Variants in CLIC5 observed in about 807,000 individuals in gnomAD.
The protein encoded by CLIC5 is chloride intracellular channel protein 5.
In CLIC5, 20 loss-of-function variants were observed where a neutral mutation model predicts 24.7. The ratio of observed to expected loss-of-function variants is 0.81; its 90% CI spans 0.57 to 1.18. The LOEUF is 1.18. CLIC5 is among the 50% of genes most tolerant of loss of function. The pLI is 0.00. For missense variants in CLIC5, 341 were observed against 326.1 expected, an observed-to-expected ratio of 1.05 and a Z score of -0.35; for synonymous variants, 159 against 135.6, an observed-to-expected ratio of 1.17 and a Z score of -1.20.
At chr6:46,120,829 T>A in the CLIC5 span, among the ~76,000 whole-genome samples, 2 of 152,024 alleles carry the variant, frequency 1.3e-5, no homozygotes, top group African/African-American at 4.8e-5. Flanking sequence ...AGAAAGGATA[T>A]CAGTGATTGA....
intron 2 of CLIC5, among the ~76,000 whole-genome samples, chr6:45,949,802 C>G (rs1764409593): frequency 6.6e-6 from 1 of 152,148 alleles, no homozygotes; most frequent in South Asian, 2.1e-4. Flanking sequence ...TTAGATCATA[C>G]TTTTCTCCTA....
At chr6:46,083,727 G>C (rs545333089), upstream of CLIC5, among the ~76,000 whole-genome samples, 1 of 152,162 alleles carries the variant, frequency 6.6e-6, no homozygotes, top group Non-Finnish European at 1.5e-5. Context: ...GGTGTGGTGT[G>C]GTGCTGAAAA....
intron 1 of CLIC5, among the ~76,000 whole-genome samples, chr6:46,075,589 CA>C (rs1241865472): frequency 6.6e-6 from 1 of 151,994 alleles, no homozygotes; most frequent in Non-Finnish European, 1.5e-5. Context: ...TGTCTCAAGA[CA>C]AAAACGAAAA....
chr6:46,012,970 CT>C (rs1240373614), intron 1 of CLIC5, among the ~76,000 whole-genome samples: 4 of 152,250 alleles, frequency 2.6e-5, no homozygotes, highest in African/African-American at 9.6e-5. Context: ...GCAATCTTTC[CT>C]TCTTCTTATC....
At chr6:46,000,496 A>T (rs1363472545) in intron 1 of CLIC5, among the ~76,000 whole-genome samples, 1 of 152,134 alleles carries the variant, frequency 6.6e-6, no homozygotes, top group Admixed American at 6.5e-5. Flanking sequence ...CCATGCATGG[A>T]TGGTCTTTGT....
the CLIC5 span, among the ~76,000 whole-genome samples, chr6:46,101,059 A>T: frequency 6.6e-6 from 1 of 152,218 alleles, no homozygotes; most frequent in South Asian, 2.1e-4. Flanking sequence ...AATACATCTC[A>T]TAGAAGAGAA....
chr6:46,031,300 C>A (rs76673643), intron 1 of CLIC5, among the ~76,000 whole-genome samples: 14 of 152,136 alleles, frequency 9.2e-5, no homozygotes, highest in Non-Finnish European at 5.9e-5. Context: ...TGTGTGCCAA[C>A]GGGTGCCATA....
chr6:45,947,142 C>T (rs1236836109), intron 3 of CLIC5, among the ~76,000 whole-genome samples: 1 of 152,186 alleles, frequency 6.6e-6, no homozygotes, highest in African/African-American at 2.4e-5. Flanking sequence ...GATGACTCGC[C>T]TCTGGAAGAA....
intron 1 of CLIC5, among the ~76,000 whole-genome samples, chr6:46,057,187 C>A (rs769331574): frequency 6.6e-6 from 1 of 152,226 alleles, no homozygotes; most frequent in African/African-American, 2.4e-5. Flanking sequence ...CAAATCTCAA[C>A]TTTAATTGTA....
At chr6:46,108,807 T>C in the CLIC5 span, among the ~76,000 whole-genome samples, 1 of 152,216 alleles carries the variant, frequency 6.6e-6, no homozygotes, top group Non-Finnish European at 1.5e-5. Context: ...AATGTTTTTT[T>C]TCAGTGACTT....
intron 1 of CLIC5, among the ~76,000 whole-genome samples, chr6:45,996,463 G>A (rs1316596500): frequency 6.6e-6 from 1 of 152,036 alleles, no homozygotes; most frequent in Non-Finnish European, 1.5e-5. Flanking sequence ...TTTCTTCTAG[G>A]GTTTTTATGG....
chr6:46,015,395 C>T lies in CLIC5; in HGVS notation c.63+85G>A, dbSNP rs1766963498. ...CTCCGCGCCGCCCTCCTGGGAGGGT[C>T]CGGAGTCCAGCGCACCCCGAGCCCT... On this transcript the variant is annotated intron_variant, in intron 1 of 5. Transcript: ENST00000339561. 12 of 1,347,044 alleles carry T rather than the reference C, an allele frequency of 8.9e-6. No homozygotes were observed. The East Asian group carries it at 2.7e-4, about 30-fold the overall frequency. 83.4% of individuals were successfully genotyped at this position (1,347,044 alleles called of 1,614,324 possible).
chr6:46,050,382 A>G (rs1768070269), intron 1 of CLIC5, among the ~76,000 whole-genome samples: 1 of 152,230 alleles, frequency 6.6e-6, no homozygotes, highest in Non-Finnish European at 1.5e-5. Flanking sequence ...ACCTTTTAAG[A>G]AATGAAAACC....
chr6:46,128,403 C>T, the CLIC5 span, among the ~76,000 whole-genome samples: 4 of 152,186 alleles, frequency 2.6e-5, no homozygotes, highest in African/African-American at 9.7e-5. Flanking sequence ...CACAATACCC[C>T]CAAATGCCAC....
intron 1 of CLIC5, among the ~76,000 whole-genome samples, chr6:45,975,613 A>C (rs1765358885): frequency 6.6e-6 from 1 of 152,134 alleles, no homozygotes. Flanking sequence ...TTTTAAATAT[A>C]TATGTATATA....
intron 6 of CLIC5, among the ~76,000 whole-genome samples, chr6:45,888,165 C>T (rs963294814): frequency 1.3e-5 from 2 of 152,110 alleles, no homozygotes; most frequent in Non-Finnish European, 2.9e-5. Context: ...GGGGGATTTC[C>T]TGTGAGGCTT....
intron 1 of CLIC5, among the ~76,000 whole-genome samples, chr6:46,066,241 G>A (rs1416603497): frequency 6.6e-6 from 1 of 152,132 alleles, no homozygotes; most frequent in Admixed American, 6.6e-5. Flanking sequence ...TCCAAAACCT[G>A]CTGCTGCTCA....
intron 1 of CLIC5, among the ~76,000 whole-genome samples, chr6:46,029,161 A>G (rs1767428272): frequency 6.6e-6 from 1 of 152,170 alleles, no homozygotes; most frequent in Non-Finnish European, 1.5e-5. Context: ...TTATATCCCT[A>G]GCAATGAGCA....
intron 1 of CLIC5, among the ~76,000 whole-genome samples, chr6:46,052,402 T>G (rs1768128875): frequency 6.6e-6 from 1 of 152,190 alleles, no homozygotes; most frequent in Admixed American, 6.5e-5. Flanking sequence ...GGAACAATCT[T>G]ACAACAGTTA....
Sources: gnomAD v4.1 joint callset for allele counts (sites outside exome capture counted in the v4.1 genomes callset) on GRCh38, gnomAD v4.1.1 for gene constraint, MANE v1.5 for transcripts, NCBI Gene and HGNC (gene_info 2026-07-23, HGNC 2026-07-21) for gene names.